The following PPARGC1A variants were observed in gnomAD, a reference collection of about 807,000 sequenced individuals.
The protein encoded by PPARGC1A is peroxisome proliferator-activated receptor gamma coactivator 1-alpha.
Under a neutral mutation model 88.7 loss-of-function variants are expected in PPARGC1A, and 25 were observed. That is an observed-to-expected ratio of 0.28 (90% CI 0.21 to 0.39). PPARGC1A has a LOEUF of 0.39. Ranked by LOEUF, PPARGC1A falls within the 10% of genes least tolerant of loss-of-function variation. PPARGC1A has a pLI of 1.00. For missense variants in PPARGC1A, 880 were observed against 968.7 expected (o/e 0.91, Z 1.22); for synonymous variants, 363 against 355.6 (o/e 1.02, Z -0.24).
the PPARGC1A span, among the ~76,000 whole-genome samples, chr4:24,341,747 T>C: frequency 6.6e-6 from 1 of 152,142 alleles, no homozygotes; most frequent in South Asian, 2.1e-4. Flanking sequence ...GAGAAAGAGC[T>C]TAACATGTTT....
the PPARGC1A span, among the ~76,000 whole-genome samples, chr4:24,123,690 AT>A: frequency 6.6e-6 from 1 of 152,050 alleles, no homozygotes; most frequent in Non-Finnish European, 1.5e-5. Flanking sequence ...CACAGATGCA[AT>A]TTTTTTAGCC....
chr4:24,363,173 G>C, the PPARGC1A span, among the ~76,000 whole-genome samples: 1 of 152,124 alleles, frequency 6.6e-6, no homozygotes, highest in African/African-American at 2.4e-5. Context: ...CATGTATTCA[G>C]AGCATTTATA....
At chr4:24,323,615 A>G in the PPARGC1A span, among the ~76,000 whole-genome samples, 4 of 151,438 alleles carry the variant, frequency 2.6e-5, no homozygotes, top group Non-Finnish European at 5.9e-5. Context: ...CCCTTCACTG[A>G]CTCTCTTTTC....
chr4:24,351,733 G>T, the PPARGC1A span, among the ~76,000 whole-genome samples: 1 of 151,778 alleles, frequency 6.6e-6, no homozygotes, highest in Non-Finnish European at 1.5e-5. Flanking sequence ...ATAAAAAGCC[G>T]TCATGGTACA....
the PPARGC1A span, among the ~76,000 whole-genome samples, chr4:24,031,524 T>C: frequency 6.6e-6 from 1 of 152,202 alleles, no homozygotes; most frequent in African/African-American, 2.4e-5. Context: ...ACATGGGCAA[T>C]TGCAGCTCAG....
the PPARGC1A span, among the ~76,000 whole-genome samples, chr4:24,247,874 G>A: frequency 1.4e-3 from 216 of 152,226 alleles, no homozygotes; most frequent in Non-Finnish European, 2.6e-3. Flanking sequence ...ACTTTTGGGG[G>A]AAGAACTGGT....
At chr4:24,317,555 T>TAAAAACAA in the PPARGC1A span, among the ~76,000 whole-genome samples, 1 of 22,208 alleles carries the variant, frequency 4.5e-5, no homozygotes, top group Non-Finnish European at 1.1e-4. Context: ...TTCAGAGGAC[T>TAAAAACAA]AAAAAAAAAA....
At chr4:24,207,448 C>T in the PPARGC1A span, among the ~76,000 whole-genome samples, 2 of 152,168 alleles carry the variant, frequency 1.3e-5, no homozygotes, top group African/African-American at 4.8e-5. Context: ...CATACTTCAG[C>T]AAGTCAGAAA....
At chr4:23,913,267 T>TATATATATATATAGAGAG in the PPARGC1A span, among the ~76,000 whole-genome samples, 1 of 77,508 alleles carries the variant, frequency 1.3e-5, no homozygotes, top group African/African-American at 5.6e-5. Flanking sequence ...TATATATATA[T>TATATATATATATAGAGAG]AGAGAGAGAG....
At chr4:24,091,461 C>T in the PPARGC1A span, 1 of 985,386 alleles carries the variant, frequency 1.0e-6, no homozygotes, top group South Asian at 4.7e-5. Flanking sequence ...CTGAGGACAT[C>T]ACTTACCTGC....
chr4:24,171,361 G>A, the PPARGC1A span, among the ~76,000 whole-genome samples: 5 of 151,536 alleles, frequency 3.3e-5, no homozygotes, highest in Non-Finnish European at 5.9e-5. Context: ...AGCAGAGATC[G>A]CACCACTGCA....
the PPARGC1A span, among the ~76,000 whole-genome samples, chr4:24,423,082 T>TAC: frequency 1.9e-4 from 29 of 152,036 alleles, no homozygotes; most frequent in East Asian, 9.6e-4. Context: ...ATAGATATAA[T>TAC]ACACACACAC....
At chr4:24,120,896 T>C in the PPARGC1A span, among the ~76,000 whole-genome samples, 2 of 152,204 alleles carry the variant, frequency 1.3e-5, no homozygotes, top group African/African-American at 4.8e-5. Context: ...GTTTATAAGC[T>C]GCCCAGTTTG....
At chr4:24,108,641 A>C in the PPARGC1A span, among the ~76,000 whole-genome samples, 1 of 152,120 alleles carries the variant, frequency 6.6e-6, no homozygotes, top group Non-Finnish European at 1.5e-5. Context: ...GCAGATGAGG[A>C]AATTGAGGCC....
chr4:24,392,053 G>C, the PPARGC1A span, among the ~76,000 whole-genome samples: 4 of 152,106 alleles, frequency 2.6e-5, no homozygotes, highest in East Asian at 7.7e-4. Context: ...GGAGCCTTAG[G>C]AGAAACCTGA....
intron 4 of PPARGC1A, among the ~76,000 whole-genome samples, chr4:23,829,220 G>A (rs1386730988): frequency 6.6e-6 from 1 of 152,110 alleles, no homozygotes. Flanking sequence ...CAATAAAGTG[G>A]GCAAGAACTA....
chr4:23,879,525 T>C (rs1715499864), intron 2 of PPARGC1A, among the ~76,000 whole-genome samples: 1 of 152,198 alleles, frequency 6.6e-6, no homozygotes, highest in African/African-American at 2.4e-5. Flanking sequence ...ATCTTTGAGT[T>C]AGCATTCCTT....
chr4:23,802,559 T>C (rs1419324533), intron 10 of PPARGC1A, among the ~76,000 whole-genome samples: 1 of 150,716 alleles, frequency 6.6e-6, no homozygotes, highest in Non-Finnish European at 1.5e-5. Context: ...GCACCTGCAA[T>C]CCCAGCTACT....
At chr4:24,257,385 C>G in the PPARGC1A span, among the ~76,000 whole-genome samples, 53,866 of 152,042 alleles carry the variant, frequency 0.35, 10,646 homozygotes, top group Non-Finnish European at 0.45. Context: ...TGACAGCCAC[C>G]TTTTAAAAGA....
Sources: gnomAD v4.1 joint callset for allele counts (sites outside exome capture counted in the v4.1 genomes callset) on GRCh38, gnomAD v4.1.1 for gene constraint, MANE v1.5 for transcripts, NCBI Gene and HGNC (gene_info 2026-07-23, HGNC 2026-07-21) for gene names.